PRICKLE2: variants seen among roughly 807,000 people sequenced by gnomAD.
PRICKLE2 encodes the protein prickle-like protein 2.
PRICKLE2 carries 21 observed loss-of-function variants against 81.4 expected under a neutral mutation model. The ratio of observed to expected loss-of-function variants is 0.26; its 90% CI spans 0.18 to 0.37. PRICKLE2 has a LOEUF of 0.37. Among genes scored for constraint, PRICKLE2 ranks in the 10% least tolerant of loss-of-function variants. The pLI, the probability that PRICKLE2 is intolerant of heterozygous loss-of-function variation, is 1.00. For synonymous variants in PRICKLE2, 456 were observed against 421.5 expected (o/e 1.08, Z -1.00); for missense variants, 940 against 1,109.0 (o/e 0.85, Z 2.16).
In PRICKLE2 at chr3:64,099,961, C is replaced by T. The variant is rs1297440060; in HGVS notation, c.1661-36G>A. The T allele has an allele frequency of 1.9e-6, 3 of 1,607,166 alleles. No homozygotes were observed. The highest frequency in any genetic ancestry group is 8.5e-7 in the Non-Finnish European group (1 of 1,174,862). On this transcript the variant is annotated intron_variant, in intron 7 of 7. Coordinates refer to ENST00000638394, the MANE Select transcript of PRICKLE2 (RefSeq NM_198859.4). The surrounding 1 kb of genome is among the most constrained non-coding windows in gnomAD (Gnocchi z 4.3). Reference sequence around the variant, plus strand: ...GAGGAGGGGACCACAGAGATTAATACAGATGTGCAGCAATGGGTATCACTG... The same window carrying T: ...GAGGAGGGGACCACAGAGATTAATATAGATGTGCAGCAATGGGTATCACTG...
chr3:64,164,492 G>A (rs936967234), intron 2 of PRICKLE2, among the ~76,000 whole-genome samples: 1 of 152,178 alleles, frequency 6.6e-6, no homozygotes, highest in African/African-American at 2.4e-5. Context: ...TGTCTACTTT[G>A]ATCTCCAGAA....
In PRICKLE2 at chr3:64,159,157, C is replaced by A. The variant is rs981554846; in HGVS notation, c.396+783G>T. Among the ~76,000 whole-genome samples, 35 of 152,174 alleles carry A rather than the reference C, an allele frequency of 2.3e-4. 1 individual carries two copies. The highest frequency in any genetic ancestry group is 2.1e-3 in the Admixed American group (32 of 15,288). On this transcript the variant is annotated intron_variant, in intron 4 of 7. Coordinates refer to ENST00000638394, the MANE Select transcript of PRICKLE2 (RefSeq NM_198859.4). ...GACAGGAAATCCAGAATCTTGAACG[C>A]AGTGAGGTCCCAGGGAGAATGCCTC...
At chr3:64,135,930 GTCC>G (rs1324294624) in intron 7 of PRICKLE2, among the ~76,000 whole-genome samples, 3 of 152,100 alleles carry the variant, frequency 2.0e-5, no homozygotes, top group African/African-American at 4.8e-5. Flanking sequence ...GCGGAAACAG[GTCC>G]TATTTCAAGA....
chr3:64,258,727 C>T (rs189971552), intron 2 of PRICKLE2, among the ~76,000 whole-genome samples: 122 of 147,702 alleles, frequency 8.3e-4, no homozygotes, highest in African/African-American at 2.7e-3. Flanking sequence ...GGGAGGCTGA[C>T]GCAGGAGAAT....
At chr3:64,103,963 G>C (rs181449310) in intron 7 of PRICKLE2, among the ~76,000 whole-genome samples, 32 of 152,284 alleles carry the variant, frequency 2.1e-4, no homozygotes, top group Non-Finnish European at 2.6e-4. Context: ...CTGGGCAACA[G>C]AGCGAGCCCC....
chr3:64,105,528 T>A (rs970608236), intron 7 of PRICKLE2, among the ~76,000 whole-genome samples: 5 of 152,202 alleles, frequency 3.3e-5, no homozygotes, highest in Admixed American at 2.6e-4. Context: ...ATGGGTGGGA[T>A]TCCAAACATC....
chr3:64,117,470 A>C (rs940989974), intron 7 of PRICKLE2, among the ~76,000 whole-genome samples: 5 of 152,186 alleles, frequency 3.3e-5, no homozygotes, highest in Admixed American at 3.3e-4. Context: ...CCAGCCCACA[A>C]GCTTCTTAAA....
chr3:64,155,723 C>G (rs1290288235), intron 5 of PRICKLE2, among the ~76,000 whole-genome samples: 2 of 152,140 alleles, frequency 1.3e-5, no homozygotes, highest in African/African-American at 4.8e-5. Flanking sequence ...CTTACATATA[C>G]TACTATATGG....
intron 1 of PRICKLE2, among the ~76,000 whole-genome samples, chr3:64,203,370 G>A (rs2078624373): frequency 6.6e-6 from 1 of 152,128 alleles, no homozygotes. Context: ...GCCAGTTTAT[G>A]ACTTAAGGAA....
At chr3:64,262,579 T>C (rs1203754174) in intron 2 of PRICKLE2, among the ~76,000 whole-genome samples, 1 of 146,596 alleles carries the variant, frequency 6.8e-6, no homozygotes, top group Non-Finnish European at 1.5e-5. Context: ...GCAATAAAGA[T>C]GAAAAAGACA....
intron 1 of PRICKLE2, among the ~76,000 whole-genome samples, chr3:64,210,418 T>C (rs2078766153): frequency 1.3e-5 from 2 of 152,106 alleles, no homozygotes; most frequent in Non-Finnish European, 1.5e-5. Flanking sequence ...GGTTTCCTAA[T>C]AAACACAGAA....
At chr3:64,125,040 T>A (rs902134500) in intron 7 of PRICKLE2, among the ~76,000 whole-genome samples, 3 of 152,210 alleles carry the variant, frequency 2.0e-5, no homozygotes, top group Non-Finnish European at 4.4e-5. Flanking sequence ...CACTCGTGAT[T>A]CATGAGAGGA....
intron 7 of PRICKLE2, among the ~76,000 whole-genome samples, chr3:64,103,825 C>T (rs2076707549): frequency 6.6e-6 from 1 of 151,862 alleles, no homozygotes; most frequent in African/African-American, 2.4e-5. Context: ...ACTAAAAATA[C>T]AAAAATTAGC....
At chr3:64,206,002 G>A (rs1284416042) in intron 1 of PRICKLE2, among the ~76,000 whole-genome samples, 2 of 152,170 alleles carry the variant, frequency 1.3e-5, no homozygotes, top group African/African-American at 4.8e-5. Flanking sequence ...GTAGGTGCTT[G>A]GTAATTTGCT....
intron 1 of PRICKLE2, among the ~76,000 whole-genome samples, chr3:64,208,785 A>C (rs570367116): frequency 1.3e-5 from 2 of 152,352 alleles, no homozygotes; most frequent in African/African-American, 2.4e-5. Context: ...TGATAAACTC[A>C]TAAGTGACTT....
intron 1 of PRICKLE2, among the ~76,000 whole-genome samples, chr3:64,212,389 C>G (rs953522142): frequency 6.6e-6 from 1 of 152,152 alleles, no homozygotes; most frequent in African/African-American, 2.4e-5. Flanking sequence ...CAGATAAATC[C>G]TTTGGGGGAC....
intron 2 of PRICKLE2, among the ~76,000 whole-genome samples, chr3:64,252,097 C>T (rs1465006803): frequency 1.3e-5 from 2 of 152,100 alleles, no homozygotes; most frequent in Non-Finnish European, 2.9e-5. Flanking sequence ...TCAATCAACC[C>T]AACATGGTCT....
chr3:64,141,920 T>C, intron 7 of PRICKLE2: 1 of 985,110 alleles, frequency 1.0e-6, no homozygotes, highest in Non-Finnish European at 1.2e-6. Context: ...ACTAAGCCTT[T>C]TGTGGCACGT....
intron 7 of PRICKLE2, among the ~76,000 whole-genome samples, chr3:64,103,961 C>G (rs980212295): frequency 1.3e-5 from 2 of 152,134 alleles, no homozygotes; most frequent in African/African-American, 4.8e-5. Flanking sequence ...GCCTGGGCAA[C>G]AGAGCGAGCC....
Sources: allele counts gnomAD v4.1 joint callset (sites outside exome capture counted in the v4.1 genomes callset), GRCh38; gene constraint gnomAD v4.1.1; non-coding constraint Gnocchi (gnomAD v3.1); transcripts MANE v1.5; gene names NCBI Gene and HGNC (gene_info 2026-07-23, HGNC 2026-07-21).